TRIM43B: variants seen among roughly 807,000 people sequenced by gnomAD.
TRIM43B encodes the protein tripartite motif-containing protein 43B.
A neutral mutation model predicts 27.0 loss-of-function variants in TRIM43B; 15 were observed. That is an observed-to-expected ratio of 0.55 (90% CI 0.37 to 0.85). The LOEUF (loss-of-function observed/expected upper bound fraction) is 0.85. Among genes scored for constraint, TRIM43B ranks in the 40% least tolerant of loss-of-function variants. The pLI is 0.00. For synonymous variants in TRIM43B, 69 were observed against 97.8 expected, an observed-to-expected ratio of 0.71 and a Z score of 1.74; for missense variants, 172 against 289.8, an observed-to-expected ratio of 0.59 and a Z score of 2.95.
intron 1 of TRIM43B, among the ~76,000 whole-genome samples, chr2:95,484,174 T>A (rs1038110669): frequency 1.3e-5 from 2 of 148,342 alleles, no homozygotes; most frequent in African/African-American, 4.9e-5. Flanking sequence ...ATGGAGACCA[T>A]CCTGGCCAAC....
At chr2:95,483,084 T>C (rs550463318) in intron 1 of TRIM43B, among the ~76,000 whole-genome samples, 7 of 152,244 alleles carry the variant, frequency 4.6e-5, no homozygotes, top group African/African-American at 1.7e-4. Context: ...ACAGTCTTCA[T>C]TGCCAGTGAT....
chr2:95,480,539 T>A lies in TRIM43B; in HGVS notation c.508-4A>T, dbSNP rs749593312. 36 of 1,607,278 alleles carry A rather than the reference T, an allele frequency of 2.2e-5. No individual in the cohort carries two copies. Among genetic ancestry groups the A allele is most frequent in the Non-Finnish European group, 2.9e-5 (34 of 1,177,392 alleles). ...GTGCCCGTAAAACCACATCGCCCTGTAGGGATATGAATTTTGTAGGTTATA... is the reference window on the plus strand; with the variant it reads ...GTGCCCGTAAAACCACATCGCCCTGAAGGGATATGAATTTTGTAGGTTATA... On this transcript the variant is annotated splice_polypyrimidine_tract_variant and splice_region_variant and intron_variant, in intron 3 of 6. Coordinates refer to ENST00000639673, the Ensembl canonical transcript of TRIM43B.
In TRIM43B at chr2:95,480,152, C is replaced by T. The variant is rs528041793; in HGVS notation, c.738+153G>A. On this transcript the variant is annotated intron_variant, in intron 4 of 6. Coordinates refer to ENST00000639673, the Ensembl canonical transcript of TRIM43B. Reference sequence around the variant, plus strand: ...CATAAAGCTTTATTTCCATGATTAGCGTAGGAGTTATAGTTTATCTCTATA... The same window carrying T: ...CATAAAGCTTTATTTCCATGATTAGTGTAGGAGTTATAGTTTATCTCTATA... Among the ~76,000 whole-genome samples, 282 of 150,174 alleles carry T rather than the reference C, an allele frequency of 1.9e-3. 1 individual carries two copies. The highest frequency in any genetic ancestry group is 6.8e-3 in the Middle Eastern group (2 of 292).
chr2:95,481,489 C>G, intron 3 of TRIM43B, 106 bp downstream of exon 3: 4 of 868,302 alleles, frequency 4.6e-6, no homozygotes, highest in Non-Finnish European at 6.9e-6. Flanking sequence ...TGAATAAACA[C>G]ATGACAAAAT....
chr2:95,481,737 C>T, intron 2 of TRIM43B, 47 bp from the exon 3 acceptor site: 1 of 1,586,402 alleles, frequency 6.3e-7, no homozygotes, highest in Non-Finnish European at 8.6e-7. Flanking sequence ...ACCAAAGATT[C>T]CACCATCTGA....
chr2:95,482,332 G>T, exon 2 of TRIM43B: 1 of 1,611,488 alleles, frequency 6.2e-7, no homozygotes, highest in East Asian at 2.2e-5. Flanking sequence ...CTCTTCGATG[G>T]GATAGTGTTT....
intron 3 of TRIM43B, among the ~76,000 whole-genome samples, chr2:95,481,023 T>A (rs899908881): frequency 3.3e-5 from 5 of 152,234 alleles, no homozygotes; most frequent in African/African-American, 1.2e-4. Context: ...CCATAGACTC[T>A]GTATTGCACT....
intron 2 of TRIM43B, among the ~76,000 whole-genome samples, chr2:95,481,958 C>G (rs1451632867): frequency 2.0e-5 from 3 of 151,490 alleles, no homozygotes; most frequent in African/African-American, 7.3e-5. Flanking sequence ...TATGCTAGCC[C>G]CTGATTTTGT....
intron 1 of TRIM43B, among the ~76,000 whole-genome samples, chr2:95,484,381 T>C (rs539784309): frequency 1.1e-3 from 167 of 151,886 alleles, no homozygotes; most frequent in African/African-American, 1.7e-3. Flanking sequence ...AATAAATAAA[T>C]AAACAAATAA....
At position 95,480,555 on chromosome 2, in the gene TRIM43B, G is replaced by A. The variant is rs1463579052; in HGVS notation, c.508-20C>T. On this transcript the variant is annotated intron_variant, in intron 3 of 6. Coordinates refer to ENST00000639673, the Ensembl canonical transcript of TRIM43B. ...ATCGCCCTGTAGGGATATGAATTTT[G>A]TAGGTTATATACCCAGGCCTACTTC... 1.2e-6 allele frequency: 2 copies of A among 1,604,138 alleles called. No homozygotes were observed. Among genetic ancestry groups the A allele is most frequent in the South Asian group, 2.2e-5 (2 of 89,624 alleles).
chr2:95,480,498 T>C, exon 4 of TRIM43B: 2 of 1,607,876 alleles, frequency 1.2e-6, no homozygotes, highest in South Asian at 1.1e-5. Flanking sequence ...CTTCCTATAC[T>C]CATTCCTGAT....
rs181696684 is a variant in TRIM43B, at chr2:95,482,697, T to A, written c.18A>T (p.Ser6=). ...AGGTGAGTTCCTTCTGGAAGGCATGTGAGAAGTCTGAGTCCATTTTCCTAA... is the reference window on the plus strand; with the variant it reads ...AGGTGAGTTCCTTCTGGAAGGCATGAGAGAAGTCTGAGTCCATTTTCCTAA... The change falls in exon 2 of 7, where the codon TCA becomes TCT. Residue 6 remains serine, a synonymous_variant. Transcript: ENST00000639673. 276 of 1,613,698 alleles carry A rather than the reference T, an allele frequency of 1.7e-4. 2 individuals are homozygous for A. In the African/African-American group the frequency reaches 3.5e-3, roughly 20 times the overall value.
intron 1 of TRIM43B, among the ~76,000 whole-genome samples, chr2:95,483,732 C>T (rs1248043226): frequency 6.6e-6 from 1 of 151,452 alleles, no homozygotes; most frequent in Non-Finnish European, 1.5e-5. Context: ...GGAGGCGGGG[C>T]CTGGAGAATG....
rs1420819212 is a variant in TRIM43B at position 95,484,587 on chromosome 2, C to A, written c.-5+19G>T. On this transcript the variant is annotated intron_variant, in intron 1 of 6. Coordinates refer to ENST00000639673, the Ensembl canonical transcript of TRIM43B. ...TTGTAACCTAATAGTAGATCCTTCT[C>A]TGGAAATTGTGTACTTACCTCAGAA... The A allele has an allele frequency of 6.6e-6, 1 of 152,160 alleles. No homozygotes were observed. Among genetic ancestry groups the A allele is most frequent in the Non-Finnish European group, 1.5e-5 (1 of 68,028 alleles). 9.4% of individuals were successfully genotyped at this position (152,160 alleles called of 1,614,324 possible). A position where few individuals can be genotyped will look rare whatever the true frequency, so the allele number is the denominator to read the frequency against.
intron 3 of TRIM43B, among the ~76,000 whole-genome samples, chr2:95,480,798 C>T (rs1162382357): frequency 6.6e-6 from 1 of 152,118 alleles, no homozygotes; most frequent in East Asian, 1.9e-4. Context: ...GTTACATTGT[C>T]ATGGATAATA....
exon 4 of TRIM43B, chr2:95,480,312 A>G (rs1403462390): frequency 1.9e-6 from 3 of 1,606,970 alleles, no homozygotes; most frequent in African/African-American, 1.3e-5. Flanking sequence ...TACCTGGAGC[A>G]GCTCCACCTC....
intron 2 of TRIM43B, 32 bp downstream of exon 2, chr2:95,482,272 A>G (rs1462006727): frequency 1.1e-5 from 17 of 1,604,074 alleles, no homozygotes; most frequent in Non-Finnish European, 1.4e-5. Context: ...GCCACCCTCC[A>G]GCTTTCAGGT....
intron 3 of TRIM43B, among the ~76,000 whole-genome samples, chr2:95,481,096 T>C (rs1298183480): frequency 1.3e-5 from 2 of 151,962 alleles, no homozygotes; most frequent in African/African-American, 4.8e-5. Context: ...GACATATTTA[T>C]CCTCTCACTG....
chr2:95,480,570 A>G, intron 3 of TRIM43B, 35 bp from the exon 4 acceptor site: 1 of 1,601,976 alleles, frequency 6.2e-7, no homozygotes, highest in South Asian at 1.1e-5. Flanking sequence ...TTATATACCC[A>G]GGCCTACTTC....
Sources: gnomAD v4.1 joint callset for allele counts (sites outside exome capture counted in the v4.1 genomes callset) on GRCh38, gnomAD v4.1.1 for gene constraint, MANE v1.5 for transcripts, NCBI Gene and HGNC (gene_info 2026-07-23, HGNC 2026-07-21) for gene names.